GBGT1: variants seen among roughly 807,000 people sequenced by gnomAD.
The protein encoded by GBGT1 is globoside alpha-1,3-N-acetylgalactosaminyltransferase 1 (FORS blood group).
In GBGT1, 18 loss-of-function variants were observed where a neutral mutation model predicts 20.9. The observed-to-expected ratio is 0.86, with a 90% CI of 0.60 to 1.28. The LOEUF is 1.28. Ranked by LOEUF, GBGT1 falls within the 50% of genes most tolerant of loss-of-function variation. GBGT1 has a pLI of 0.00. For synonymous variants in GBGT1, 168 were observed against 180.8 expected (o/e 0.93, Z 0.57); for missense variants, 432 against 455.7 (o/e 0.95, Z 0.47).
chr9:133,161,470 A>C lies in GBGT1; in HGVS notation c.134T>G (p.Ile45Ser), dbSNP rs775207727. Residue 45 changes from isoleucine to serine, a missense_variant, in exon 3 of 7, where the codon ATC (isoleucine) becomes AGC (serine). Ile to Ser is a moderately radical substitution (Grantham distance 142). Coordinates refer to ENST00000372040, the MANE Select transcript of GBGT1 (RefSeq NM_021996.6). ...YVPYYLPCPE[I>S]FNMKLHYKRE... ...TCCTAGCCACACCCATACTTACAAG[A>C]TCTCTGGGCAGGGGAGATAATAGGG... 6.2e-7 allele frequency: 1 copy of C among 1,606,124 alleles called. No individual in the cohort carries two copies. The highest frequency in any genetic ancestry group is 1.1e-5 in the South Asian group (1 of 90,074).
intron 5 of GBGT1, among the ~76,000 whole-genome samples, 167 bp downstream of exon 5, chr9:133,155,734 G>T (rs1199421753): frequency 6.6e-6 from 1 of 152,034 alleles, no homozygotes; most frequent in Non-Finnish European, 1.5e-5. Flanking sequence ...GCTGCCCAGG[G>T]TCACACAGCC....
In GBGT1 at chr9:133,154,847, A is replaced by G. The variant is rs1441305077; in HGVS notation, c.359+331T>C. 4 of 251,660 alleles carry G rather than the reference A, an allele frequency of 1.6e-5. No individual in the cohort carries two copies. Among genetic ancestry groups the G allele is most frequent in the Non-Finnish European group, 2.3e-5 (3 of 131,984 alleles). The allele number at this position is 251,660 out of a possible 1,614,324, so 15.6% of individuals were successfully genotyped here. ...AAGGCTGCCAAGCGGCAGCTCCTAA[A>G]GGAAGGCCAGGTGGGGTCATGGGAG... On this transcript the variant is annotated intron_variant, in intron 6 of 6. Coordinates refer to ENST00000372040, the MANE Select transcript of GBGT1 (RefSeq NM_021996.6). The surrounding 1 kb of genome is among the most constrained non-coding windows in gnomAD (Gnocchi z 4.2).
At chr9:133,155,466 C>A (rs1795328477) in intron 5 of GBGT1, 154 bp from the exon 6 acceptor site, 1 of 808,822 alleles carries the variant, frequency 1.2e-6, no homozygotes, top group Non-Finnish European at 1.9e-6. Context: ...TAATGATAGC[C>A]ACCTCCCAGC....
At chr9:133,155,865 TC>T in intron 5 of GBGT1, 35 bp downstream of exon 5, 2 of 1,611,164 alleles carry the variant, frequency 1.2e-6, no homozygotes, top group Non-Finnish European at 1.7e-6. Context: ...TTTGTCCTTT[TC>T]CCCCGCCCCC....
chr9:133,157,012 G>C (rs997096330), intron 3 of GBGT1, among the ~76,000 whole-genome samples: 2 of 152,232 alleles, frequency 1.3e-5, no homozygotes, highest in Non-Finnish European at 2.9e-5. Context: ...GGCCAGCCCA[G>C]GTGGCTCACA....
At chr9:133,157,194 G>A (rs1832895984) in intron 3 of GBGT1, among the ~76,000 whole-genome samples, 2 of 151,910 alleles carry the variant, frequency 1.3e-5, no homozygotes, top group East Asian at 3.9e-4. Flanking sequence ...TGAAGCAGGA[G>A]GATGGCTTGA....
At chr9:133,155,108 G>A (rs1300619439) in intron 6 of GBGT1, 70 bp downstream of exon 6, 36 of 1,432,812 alleles carry the variant, frequency 2.5e-5, no homozygotes, top group Non-Finnish European at 3.1e-5. Flanking sequence ...CGTCTGGTCT[G>A]GTCTCTTCCC....
intron 3 of GBGT1, among the ~76,000 whole-genome samples, chr9:133,157,433 G>C (rs1168392116): frequency 1.3e-5 from 2 of 152,206 alleles, no homozygotes; most frequent in Non-Finnish European, 2.9e-5. Context: ...ACCTCTTACT[G>C]GTTCTGTTTC....
At position 133,153,962 on chromosome 9, in the gene GBGT1, A is replaced by G. The variant is rs765023363; in HGVS notation, c.659T>C (p.Leu220Ser). The change falls in exon 7 of 7, where the codon TTG becomes TCG. Residue 220 changes from leucine (L) to serine (S), a missense_variant. Coordinates refer to ENST00000372040, the MANE Select transcript of GBGT1 (RefSeq NM_021996.6). ...VFRNPWGPET[L>S]GDLVAAIHPS... ...GTGAATGGCAGCCACCAGGTCTCCCAAGGTCTCAGGGCCCCACGGGTTCCG... is the reference window on the plus strand; with the variant it reads ...GTGAATGGCAGCCACCAGGTCTCCCGAGGTCTCAGGGCCCCACGGGTTCCG... 1 of 1,613,152 alleles carries G rather than the reference A, an allele frequency of 6.2e-7. No individual in the cohort carries two copies. Among genetic ancestry groups the G allele is most frequent in the Non-Finnish European group, 8.5e-7 (1 of 1,179,356 alleles).
At chr9:133,155,154 C>T in intron 6 of GBGT1, 24 bp downstream of exon 6, 1 of 1,608,314 alleles carries the variant, frequency 6.2e-7, no homozygotes, top group Non-Finnish European at 8.5e-7. Context: ...AGACCTCCCT[C>T]CCCTTCCCCA....
intron 3 of GBGT1, among the ~76,000 whole-genome samples, chr9:133,157,143 G>A (rs572689268): frequency 6.6e-6 from 1 of 152,132 alleles, no homozygotes; most frequent in Non-Finnish European, 1.5e-5. Context: ...AATTAGCTGG[G>A]TATGGTGGTG....
At chr9:133,161,422 G>A in intron 3 of GBGT1, 45 bp downstream of exon 3, 8 of 1,254,098 alleles carry the variant, frequency 6.4e-6, no homozygotes, top group Non-Finnish European at 9.1e-6. Context: ...CCAACTGTGA[G>A]CAGCCCTCAG....
chr9:133,155,347 C>T (rs1402094198), intron 5 of GBGT1, 35 bp from the exon 6 acceptor site: 4 of 1,612,058 alleles, frequency 2.5e-6, no homozygotes, highest in Non-Finnish European at 3.4e-6. Flanking sequence ...CTGAGACCCT[C>T]CCCTGTGAAA....
chr9:133,158,764 T>G (rs2119316482), intron 3 of GBGT1, among the ~76,000 whole-genome samples: 1 of 152,316 alleles, frequency 6.6e-6, no homozygotes, highest in South Asian at 2.1e-4. Context: ...CATGCAACCA[T>G]CCAACATTTG....
chr9:133,161,172 G>T (rs563404223), intron 3 of GBGT1: 1 of 408,988 alleles, frequency 2.4e-6, no homozygotes, highest in South Asian at 9.9e-5. Context: ...CTGTTTATGG[G>T]CATCTTTGCA....
intron 3 of GBGT1, among the ~76,000 whole-genome samples, chr9:133,157,287 CA>C (rs71503325): frequency 0.18 from 13,928 of 77,792 alleles, 636 homozygotes; most frequent in Middle Eastern, 0.35. Flanking sequence ...GACCCTGTCT[CA>C]AAAAAAAAAA....
At chr9:133,158,195 C>T (rs545915062) in intron 3 of GBGT1, among the ~76,000 whole-genome samples, 64 of 152,302 alleles carry the variant, frequency 4.2e-4, no homozygotes, top group Non-Finnish European at 7.6e-4. Context: ...AGGCCCGAGG[C>T]CGACTGTCCC....
chr9:133,153,807 C>A lies in GBGT1; in HGVS notation c.814G>T (p.Val272Leu), dbSNP rs1197010220. The change falls in exon 7 of 7, where the codon GTA (valine) becomes TTA (leucine). Residue 272 changes from valine to leucine, a missense_variant. Val to Leu is a conservative substitution (Grantham distance 32). Coordinates refer to ENST00000372040, the MANE Select transcript of GBGT1 (RefSeq NM_021996.6). ...GAVFGGQVAR[V>L]YEFTRGCHMA... is the part of the protein sequence containing the mutation. ...TGGCAGCCCCTAGTAAACTCATATA[C>A]CCTGGCCACCTGCCCCCCGAAGACT... 6.3e-7 allele frequency: 1 copy of A among 1,591,432 alleles called. No homozygotes were observed. Among genetic ancestry groups the A allele is most frequent in the African/African-American group, 1.3e-5 (1 of 74,648 alleles).
At chr9:133,155,730 C>A (rs773627027) in intron 5 of GBGT1, among the ~76,000 whole-genome samples, 171 bp downstream of exon 5, 1 of 152,210 alleles carries the variant, frequency 6.6e-6, no homozygotes, top group African/African-American at 2.4e-5. Flanking sequence ...GTACGCTGCC[C>A]AGGGTCACAC....
Sources: gnomAD v4.1 joint callset for allele counts (sites outside exome capture counted in the v4.1 genomes callset) on GRCh38, gnomAD v4.1.1 for gene constraint, Gnocchi (gnomAD v3.1) non-coding constraint, MANE v1.5 for transcripts, NCBI Gene and HGNC (gene_info 2026-07-23, HGNC 2026-07-21) for gene names.